RYR2: variants seen among roughly 807,000 people sequenced by gnomAD.
The protein encoded by RYR2 is cardiac muscle ryanodine receptor-calcium release channel.
In RYR2, 227 loss-of-function variants were observed where a neutral mutation model predicts 601.1. The observed-to-expected ratio is 0.38, with a 90% CI of 0.34 to 0.42. The LOEUF (loss-of-function observed/expected upper bound fraction) is 0.42, where lower values mean the gene tolerates loss of function less well. Among genes scored for constraint, RYR2 ranks in the 10% least tolerant of loss-of-function variants. The probability of loss-of-function intolerance (pLI) is 1.00; values close to 1 mark genes in which losing one functional copy is unlikely to be tolerated. For synonymous variants in RYR2, 2,223 were observed against 2,175.1 expected (o/e 1.02, Z -0.61); for missense variants, 4,646 against 6,156.5 (o/e 0.75, Z 8.21).
chr1:237,135,456 G>A (rs777602471), intron 1 of RYR2, among the ~76,000 whole-genome samples: 5 of 150,544 alleles, frequency 3.3e-5, no homozygotes, highest in Non-Finnish European at 7.4e-5. Flanking sequence ...TGCAAGCTCC[G>A]CCTCCCAGGT....
chr1:237,146,725 ATG>A (rs1674042796), intron 1 of RYR2, among the ~76,000 whole-genome samples: 1 of 151,926 alleles, frequency 6.6e-6, no homozygotes, highest in African/African-American at 2.4e-5. Flanking sequence ...CACTTGGAGG[ATG>A]TGTTCATCTA....
rs1572825749 is a variant in RYR2 at position 237,548,120 on chromosome 1, G to A, written c.2907-311G>A. On this transcript the variant is annotated intron_variant, in intron 25 of 104. Coordinates refer to ENST00000366574, the MANE Select transcript of RYR2 (RefSeq NM_001035.3). The stretch of plus-strand genomic sequence containing the variant: ...AATAAATAACCAATATTTTGATTTA[G>A]ACTATACAAAAGCCTCAGCTATTAG... Among the ~76,000 whole-genome samples, 3 of 152,168 alleles carry A rather than the reference G, an allele frequency of 2.0e-5. No individual in the cohort carries two copies. The East Asian group carries it at 5.8e-4, about 29-fold the overall frequency.
chr1:237,283,976 C>T (rs561340547), intron 2 of RYR2, among the ~76,000 whole-genome samples: 108 of 152,302 alleles, frequency 7.1e-4, no homozygotes, highest in Non-Finnish European at 1.2e-3. Context: ...CCCTGAAGTT[C>T]CCAAAGTCAT....
chr1:237,692,158 A>T (rs1345470097), intron 63 of RYR2, among the ~76,000 whole-genome samples: 1 of 152,212 alleles, frequency 6.6e-6, no homozygotes, highest in Non-Finnish European at 1.5e-5. Context: ...TTACATGTGA[A>T]AATAAATCAA....
chr1:237,414,742 G>A (rs559639614), intron 10 of RYR2, among the ~76,000 whole-genome samples: 1 of 152,162 alleles, frequency 6.6e-6, no homozygotes, highest in Non-Finnish European at 1.5e-5. Flanking sequence ...CTATGGTCAT[G>A]CTATAGTGCT....
At chr1:237,391,040 T>C (rs1258596088) in intron 10 of RYR2, among the ~76,000 whole-genome samples, 1 of 152,144 alleles carries the variant, frequency 6.6e-6, no homozygotes, top group African/African-American at 2.4e-5. Flanking sequence ...TTTGTGTTGG[T>C]TATACTGGGA....
intron 1 of RYR2, among the ~76,000 whole-genome samples, chr1:237,248,130 G>A (rs1687052030): frequency 6.6e-6 from 1 of 151,878 alleles, no homozygotes; most frequent in South Asian, 2.1e-4. Context: ...AAATGAGCCG[G>A]GTGTGGTGGT....
chr1:237,649,505 G>A (rs1682509019), intron 49 of RYR2, among the ~76,000 whole-genome samples: 1 of 152,182 alleles, frequency 6.6e-6, no homozygotes. Context: ...TTACGCATAT[G>A]AGATCTATTG....
In RYR2 at chr1:237,516,267, C is replaced by T. The variant is rs115130450; in HGVS notation, c.2822+4476C>T. ...CTGGGATTACAGGCACCTGCCACCA[C>T]CTCTGGTTAATTTTTCTTTCGTATT... On this transcript the variant is annotated intron_variant, in intron 24 of 104. Transcript: ENST00000366574. Among the ~76,000 whole-genome samples, 702 of 150,514 alleles carry T rather than the reference C, an allele frequency of 4.7e-3. 2 individuals carry two copies. The highest frequency in any genetic ancestry group is 0.015 in the African/African-American group (633 of 41,144).
At position 237,189,798 on chromosome 1, in the gene RYR2, C is replaced by T. The variant is rs143091301; in HGVS notation, c.49-80699C>T. Reference sequence around the variant, plus strand: ...TTTATAGCAGCACAAACTAAGACAACGTAAAAATGGGATTGCTAGATTGTA... The same window carrying T: ...TTTATAGCAGCACAAACTAAGACAATGTAAAAATGGGATTGCTAGATTGTA... On this transcript the variant is annotated intron_variant, in intron 1 of 104. Coordinates refer to ENST00000366574, the MANE Select transcript of RYR2 (RefSeq NM_001035.3). 1.2e-3 allele frequency among the ~76,000 whole-genome samples: 183 copies of T among 152,052 alleles called. 1 individual carries two copies. The highest frequency in any genetic ancestry group is 1.9e-4 in the East Asian group (1 of 5,186).
intron 1 of RYR2, among the ~76,000 whole-genome samples, chr1:237,175,675 G>T (rs1486192423): frequency 1.3e-5 from 2 of 152,032 alleles, no homozygotes; most frequent in Non-Finnish European, 2.9e-5. Context: ...ATGGCTTTTG[G>T]AGCTTAAAGT....
At chr1:237,755,530 T>C (rs1234661281) in intron 80 of RYR2, among the ~76,000 whole-genome samples, 1 of 152,252 alleles carries the variant, frequency 6.6e-6, no homozygotes, top group East Asian at 1.9e-4. Context: ...AATTCTCCAG[T>C]GAACTGGATT....
At chr1:237,148,167 G>A (rs1674222037) in intron 1 of RYR2, among the ~76,000 whole-genome samples, 1 of 152,152 alleles carries the variant, frequency 6.6e-6, no homozygotes, top group Non-Finnish European at 1.5e-5. Context: ...TCAGATGGTA[G>A]GATAAACAAG....
intron 1 of RYR2, among the ~76,000 whole-genome samples, chr1:237,151,146 G>C (rs926157206): frequency 9.9e-5 from 15 of 152,112 alleles, no homozygotes; most frequent in Non-Finnish European, 2.1e-4. Context: ...TTTGCATTAG[G>C]AGTATACTGT....
intron 51 of RYR2, among the ~76,000 whole-genome samples, chr1:237,653,494 A>T (rs1028603679): frequency 6.6e-6 from 1 of 152,228 alleles, no homozygotes; most frequent in Non-Finnish European, 1.5e-5. Flanking sequence ...CCTGTTCAAG[A>T]TATAGTTACT....
chr1:237,434,785 T>G (rs1259100155), intron 12 of RYR2, among the ~76,000 whole-genome samples: 3 of 152,178 alleles, frequency 2.0e-5, no homozygotes, highest in Non-Finnish European at 4.4e-5. Flanking sequence ...TATAAAACTT[T>G]TTTTTTGAGA....
intron 1 of RYR2, among the ~76,000 whole-genome samples, chr1:237,095,398 A>G (rs1196904883): frequency 1.3e-5 from 2 of 152,224 alleles, no homozygotes; most frequent in African/African-American, 4.8e-5. Flanking sequence ...TCTGGAAGTT[A>G]CAGAACAACC....
At chr1:237,782,312 T>A (rs1695191453) in intron 89 of RYR2, among the ~76,000 whole-genome samples, 1 of 151,858 alleles carries the variant, frequency 6.6e-6, no homozygotes, top group African/African-American at 2.4e-5. Flanking sequence ...AAGCTACATC[T>A]CCATTTTTTC....
chr1:237,380,805 CG>C (rs536089249), intron 8 of RYR2, among the ~76,000 whole-genome samples: 61 of 151,774 alleles, frequency 4.0e-4, no homozygotes, highest in Admixed American at 7.9e-4. Flanking sequence ...AGGCCAGGCG[CG>C]GTGGCTCATG....
Sources: allele counts gnomAD v4.1 joint callset (sites outside exome capture counted in the v4.1 genomes callset), GRCh38; gene constraint gnomAD v4.1.1; transcripts MANE v1.5; gene names NCBI Gene and HGNC (gene_info 2026-07-23, HGNC 2026-07-21).